The following GPC6 variants were observed in gnomAD, a reference collection of about 807,000 sequenced individuals.
GPC6 encodes the protein glypican-6.
GPC6 carries 14 observed loss-of-function variants against 55.2 expected under a neutral mutation model. The ratio of observed to expected loss-of-function variants is 0.25; its 90% confidence interval spans 0.17 to 0.40. GPC6 has a LOEUF of 0.40. Ranked by LOEUF, GPC6 falls within the 10% of genes least tolerant of loss-of-function variation. The pLI is 1.00. For synonymous variants in GPC6, 278 were observed against 259.6 expected (o/e 1.07, Z -0.68); for missense variants, 641 against 708.5 (o/e 0.90, Z 1.08).
intron 4 of GPC6, among the ~76,000 whole-genome samples, chr13:94,058,598 A>G (rs1884213530): frequency 6.6e-6 from 1 of 152,232 alleles, no homozygotes; most frequent in South Asian, 2.1e-4. Flanking sequence ...ACTAGCAAAT[A>G]GGAATAAAAC....
chr13:94,065,774 A>G (rs1884496698), intron 4 of GPC6, among the ~76,000 whole-genome samples: 2 of 152,318 alleles, frequency 1.3e-5, no homozygotes, highest in Middle Eastern at 3.4e-3. Flanking sequence ...CTGTATAATT[A>G]AGTAATGATG....
At chr13:93,315,784 C>T (rs1407870787) in intron 1 of GPC6, among the ~76,000 whole-genome samples, 1 of 151,444 alleles carries the variant, frequency 6.6e-6, no homozygotes, top group African/African-American at 2.4e-5. Context: ...TGTATGTAGT[C>T]AGTCATTACT....
chr13:93,731,763 C>T (rs1287879771), intron 2 of GPC6, among the ~76,000 whole-genome samples: 1 of 151,880 alleles, frequency 6.6e-6, no homozygotes, highest in Non-Finnish European at 1.5e-5. Context: ...ATAAAGGAAG[C>T]CTAGTTATAA....
intron 1 of GPC6, among the ~76,000 whole-genome samples, chr13:93,244,282 G>A (rs1876529227): frequency 6.6e-6 from 1 of 152,212 alleles, no homozygotes; most frequent in African/African-American, 2.4e-5. Context: ...GCAAGGGCCG[G>A]CTGGGTCCCA....
chr13:94,170,481 C>G (rs1355287033), intron 4 of GPC6, among the ~76,000 whole-genome samples: 2 of 152,174 alleles, frequency 1.3e-5, no homozygotes, highest in Non-Finnish European at 2.9e-5. Context: ...CCGCTGTGTG[C>G]TGGCCATTGG....
At chr13:93,728,883 A>T (rs766374278) in intron 2 of GPC6, among the ~76,000 whole-genome samples, 2 of 151,978 alleles carry the variant, frequency 1.3e-5, no homozygotes, top group Non-Finnish European at 2.9e-5. Context: ...TTCTTTATTA[A>T]TTTATTGTAT....
chr13:93,570,208 G>A (rs1025607366), intron 2 of GPC6, among the ~76,000 whole-genome samples: 4 of 152,110 alleles, frequency 2.6e-5, no homozygotes, highest in Non-Finnish European at 5.9e-5. Flanking sequence ...AAGAAGTAAT[G>A]TGCAGTAGAA....
chr13:93,233,685 C>T (rs1000871012), intron 1 of GPC6, among the ~76,000 whole-genome samples: 33 of 152,268 alleles, frequency 2.2e-4, no homozygotes, highest in Admixed American at 1.2e-3. Context: ...AGCATGGGCG[C>T]CCTTCAGTAA....
At chr13:93,547,735 A>G (rs1376190875) in intron 2 of GPC6, among the ~76,000 whole-genome samples, 1 of 152,036 alleles carries the variant, frequency 6.6e-6, no homozygotes, top group Non-Finnish European at 1.5e-5. Context: ...AAAAAAAAAA[A>G]GAGAATCTAA....
intron 2 of GPC6, among the ~76,000 whole-genome samples, chr13:93,798,416 A>G (rs776601126): frequency 3.8e-4 from 58 of 152,322 alleles, no homozygotes; most frequent in Non-Finnish European, 5.9e-4. Context: ...TCAGTCTACC[A>G]TATAAAAACA....
At chr13:94,250,096 T>C (rs898096552) in intron 4 of GPC6, among the ~76,000 whole-genome samples, 1 of 152,176 alleles carries the variant, frequency 6.6e-6, no homozygotes, top group Non-Finnish European at 1.5e-5. Context: ...CCAAGCACTA[T>C]ATTAAGCACT....
intron 3 of GPC6, among the ~76,000 whole-genome samples, chr13:94,005,279 G>A (rs1038899284): frequency 5.9e-5 from 9 of 152,030 alleles, no homozygotes; most frequent in African/African-American, 1.9e-4. Flanking sequence ...GAACTATGTC[G>A]CAGTTTGTTT....
intron 1 of GPC6, among the ~76,000 whole-genome samples, chr13:93,398,043 G>A (rs1259846990): frequency 6.6e-6 from 1 of 152,114 alleles, no homozygotes; most frequent in African/African-American, 2.4e-5. Flanking sequence ...GGTTTGCTCT[G>A]TGCCAGCCCC....
intron 2 of GPC6, among the ~76,000 whole-genome samples, chr13:93,615,697 GTGTT>G (rs1878688291): frequency 6.6e-6 from 1 of 152,140 alleles, no homozygotes; most frequent in East Asian, 1.9e-4. Context: ...TTTACAAGAT[GTGTT>G]GTATGAGCTG....
intron 2 of GPC6, among the ~76,000 whole-genome samples, chr13:93,793,868 C>T (rs1224587847): frequency 1.3e-5 from 2 of 152,138 alleles, no homozygotes; most frequent in African/African-American, 2.4e-5. Context: ...AGGAAATTTT[C>T]AACATTTGTC....
intron 2 of GPC6, among the ~76,000 whole-genome samples, chr13:93,801,865 A>C (rs1292408361): frequency 6.6e-6 from 1 of 152,162 alleles, no homozygotes; most frequent in Non-Finnish European, 1.5e-5. Flanking sequence ...TAACCAATTC[A>C]TCTTAGAATT....
chr13:93,736,775 G>A (rs1884018342), intron 2 of GPC6, among the ~76,000 whole-genome samples: 1 of 152,128 alleles, frequency 6.6e-6, no homozygotes, highest in African/African-American at 2.4e-5. Flanking sequence ...AATTTTGAAT[G>A]TGTCTTTCAA....
At chr13:94,387,507 A>G (rs60442354) in intron 7 of GPC6, among the ~76,000 whole-genome samples, 2,119 of 152,320 alleles carry the variant, frequency 0.014, 53 homozygotes, top group African/African-American at 0.049. Context: ...AGTGCTTCTC[A>G]AACTTTAGGG....
intron 4 of GPC6, among the ~76,000 whole-genome samples, chr13:94,260,920 A>G (rs554232948): frequency 1.3e-5 from 2 of 152,294 alleles, no homozygotes; most frequent in South Asian, 4.1e-4. Flanking sequence ...GAACTAAAAT[A>G]GTGGGTGTAT....
Sources: gnomAD v4.1 joint callset for allele counts (sites outside exome capture counted in the v4.1 genomes callset) on GRCh38, gnomAD v4.1.1 for gene constraint, MANE v1.5 for transcripts, NCBI Gene and HGNC (gene_info 2026-07-23, HGNC 2026-07-21) for gene names.